Variants in UNC13B observed in about 807,000 individuals in gnomAD.
UNC13B encodes unc-13 homolog B, also known as protein unc-13 homolog B.
In UNC13B, 144 loss-of-function variants were observed where a neutral mutation model predicts 211.0. That is an observed-to-expected ratio of 0.68 (90% CI 0.60 to 0.78). The LOEUF is 0.78. Ranked by LOEUF, UNC13B falls within the 30% of genes least tolerant of loss-of-function variation. UNC13B has a pLI of 0.00. For synonymous variants in UNC13B, 709 were observed against 725.8 expected, an observed-to-expected ratio of 0.98 and a Z score of 0.37; for missense variants, 1,777 against 2,002.0, an observed-to-expected ratio of 0.89 and a Z score of 2.14.
chr9:35,258,744 T>C (rs1827085725), intron 6 of UNC13B, among the ~76,000 whole-genome samples: 1 of 152,220 alleles, frequency 6.6e-6, no homozygotes, highest in African/African-American at 2.4e-5. Context: ...CCAGGTGCCC[T>C]TGGTCAGGAC....
In UNC13B at chr9:35,314,059, G is replaced by A. The variant is rs1346025358; in HGVS notation, c.9414+70G>A. On this transcript the variant is annotated intron_variant, in intron 11 of 39. Coordinates refer to ENST00000635942, the MANE Select transcript of UNC13B (RefSeq NM_001371189.2). The stretch of plus-strand genomic sequence containing the variant: ...AAATTGGGAGACATATGGTGCTGGA[G>A]AAGCAATCAGTGATTAGTCATCTTC... 24 of 1,217,534 alleles carry A rather than the reference G, an allele frequency of 2.0e-5. 1 individual carries two copies. Among genetic ancestry groups the A allele is most frequent in the Non-Finnish European group, 2.4e-5 (20 of 821,038 alleles). 75.4% of individuals were successfully genotyped at this position (1,217,534 alleles called of 1,614,324 possible).
At chr9:35,279,605 A>G (rs1828372573) in intron 7 of UNC13B, among the ~76,000 whole-genome samples, 1 of 152,202 alleles carries the variant, frequency 6.6e-6, no homozygotes, top group Non-Finnish European at 1.5e-5. Flanking sequence ...CAGTATTTGC[A>G]GTTACAATAC....
At chr9:35,316,491 T>G (rs1830461472) in intron 11 of UNC13B, among the ~76,000 whole-genome samples, 1 of 152,068 alleles carries the variant, frequency 6.6e-6, no homozygotes, top group Admixed American at 6.6e-5. Flanking sequence ...GAAAATGCTA[T>G]TATTTGTATA....
chr9:35,210,554 CACTT>C (rs961036938), intron 1 of UNC13B, among the ~76,000 whole-genome samples: 3 of 150,222 alleles, frequency 2.0e-5, no homozygotes, highest in Non-Finnish European at 4.4e-5. Context: ...GACAGAGTCT[CACTT>C]AGTCACCCAG....
chr9:35,200,139 T>C (rs1823194829), intron 1 of UNC13B, among the ~76,000 whole-genome samples: 1 of 152,200 alleles, frequency 6.6e-6, no homozygotes, highest in South Asian at 2.1e-4. Flanking sequence ...TTGTCAAAGA[T>C]CAGATGGTTG....
chr9:35,182,787 G>A lies in UNC13B; in HGVS notation c.22+20482G>A, dbSNP rs576415866. Among the ~76,000 whole-genome samples, 13 of 152,272 alleles carry A rather than the reference G, an allele frequency of 8.5e-5. No individual in the cohort carries two copies. The East Asian group carries it at 2.5e-3, about 29-fold the overall frequency. On this transcript the variant is annotated intron_variant, in intron 1 of 39. Transcript: ENST00000635942. ...CATGTTTCAGAGAGCACTGGGTTGG[G>A]GGTAAGGTTATAGATTAACAGCATC...
chr9:35,371,647 G>T, intron 13 of UNC13B, among the ~76,000 whole-genome samples: 1 of 149,366 alleles, frequency 6.7e-6, no homozygotes. Flanking sequence ...CTTTCTCACT[G>T]TTTGCCCATG....
chr9:35,218,040 G>A lies in UNC13B; in HGVS notation c.23-9975G>A, dbSNP rs1188720343. On this transcript the variant is annotated intron_variant, in intron 1 of 39. Coordinates refer to ENST00000635942, the MANE Select transcript of UNC13B (RefSeq NM_001371189.2). ...CCCTCAAAAAAAAAAGATTTTAGGCGTGGAAAGAGAAAAAATTATAACCTG... is the reference window on the plus strand; with the variant it reads ...CCCTCAAAAAAAAAAGATTTTAGGCATGGAAAGAGAAAAAATTATAACCTG... Among the ~76,000 whole-genome samples, 5 of 151,920 alleles carry A rather than the reference G, an allele frequency of 3.3e-5. No homozygotes were observed. In the East Asian group the frequency reaches 5.8e-4, roughly 18 times the overall value.
At chr9:35,189,494 A>G (rs892616620) in intron 1 of UNC13B, among the ~76,000 whole-genome samples, 7 of 152,248 alleles carry the variant, frequency 4.6e-5, no homozygotes, top group Non-Finnish European at 8.8e-5. Context: ...GCATTTTACC[A>G]ATTCTTCAGA....
intron 7 of UNC13B, among the ~76,000 whole-genome samples, chr9:35,274,698 C>G (rs1347130326): frequency 6.6e-6 from 1 of 152,152 alleles, no homozygotes; most frequent in Non-Finnish European, 1.5e-5. Context: ...TCCTCTGGGA[C>G]ATTGCTACCT....
chr9:35,233,053 C>T (rs907132932), intron 3 of UNC13B, among the ~76,000 whole-genome samples: 4 of 152,170 alleles, frequency 2.6e-5, no homozygotes, highest in African/African-American at 4.8e-5. Context: ...ATATAAGCCT[C>T]ATTTATTCCC....
intron 10 of UNC13B, among the ~76,000 whole-genome samples, chr9:35,313,040 C>T (rs896344292): frequency 6.6e-6 from 1 of 151,828 alleles, no homozygotes; most frequent in African/African-American, 2.4e-5. Flanking sequence ...TATGCAAAAG[C>T]CCCAAGGGAA....
Position 35,305,009 on chromosome 9 carries a change from A to T in UNC13B, c.5605A>T (p.Lys1869Ter), listed in dbSNP as rs1248549727. The T allele has an allele frequency of 2.5e-6, 1 of 398,856 alleles. No individual in the cohort carries two copies. The highest frequency in any genetic ancestry group is 4.4e-6 in the Non-Finnish European group (1 of 226,016). The allele number at this position is 398,856 out of a possible 1,614,324, so 24.7% of individuals were successfully genotyped here. ...FQVSQTTPQAKSGVKDDEIIT... is the reference protein window; with the variant it reads ...FQVSQTTPQA ...GGTAAGCCAAACAACTCCTCAGGCT[A>T]AATCAGGTGTAAAAGATGATGAAAT... The change falls in exon 9 of 40, where the codon AAA (lysine) becomes TAA (stop). Residue 1869 changes from lysine to a stop codon, truncating the protein, a stop_gained. Transcript: ENST00000635942. LOFTEE classifies it high-confidence loss of function.
intron 7 of UNC13B, among the ~76,000 whole-genome samples, chr9:35,292,526 C>A (rs1417118532): frequency 1.3e-5 from 2 of 152,194 alleles, no homozygotes; most frequent in Admixed American, 6.5e-5. Context: ...TTCTTCAAAG[C>A]CATCTCCTCC....
At chr9:35,178,724 C>T (rs1821773561) in intron 1 of UNC13B, among the ~76,000 whole-genome samples, 1 of 151,544 alleles carries the variant, frequency 6.6e-6, no homozygotes, top group South Asian at 2.1e-4. Flanking sequence ...AACCCCGTCT[C>T]TGCTAAAAAT....
intron 11 of UNC13B, among the ~76,000 whole-genome samples, chr9:35,325,246 T>C (rs1182815164): frequency 6.6e-6 from 1 of 152,218 alleles, no homozygotes; most frequent in Non-Finnish European, 1.5e-5. Flanking sequence ...TTCTGGGCAG[T>C]TGAGTTGTGA....
chr9:35,306,606 T>A lies in UNC13B; in HGVS notation c.7202T>A (p.Phe2401Tyr), dbSNP rs1829935569. 1 of 398,844 alleles carries A rather than the reference T, an allele frequency of 2.5e-6. No individual in the cohort carries two copies. Among genetic ancestry groups the A allele is most frequent in the Admixed American group, 4.4e-5 (1 of 22,710 alleles). 24.7% of individuals were successfully genotyped at this position (398,844 alleles called of 1,614,324 possible). A position where few individuals can be genotyped will look rare whatever the true frequency, so the allele number is the denominator to read the frequency against. Reference sequence around the variant, plus strand: ...ACTAACTGCCACCAAAATGAGAAATTTACTACTGACCCAGTGAACTTGCCA... The same window carrying A: ...ACTAACTGCCACCAAAATGAGAAATATACTACTGACCCAGTGAACTTGCCA... ...TCTNCHQNEKFTTDPVNLPLE... is the reference protein window; with the variant it reads ...TCTNCHQNEKYTTDPVNLPLE... The change falls in exon 9 of 40, where the codon TTT (phenylalanine) becomes TAT (tyrosine). Residue 2401 changes from phenylalanine (F) to tyrosine (Y), a missense_variant. By Grantham distance (22) the Phe-to-Tyr change is conservative (BLOSUM62 3). Transcript: ENST00000635942.
At chr9:35,228,567 C>T (rs1825000002) in intron 2 of UNC13B, among the ~76,000 whole-genome samples, 1 of 151,298 alleles carries the variant, frequency 6.6e-6, no homozygotes, top group Non-Finnish European at 1.5e-5. Flanking sequence ...AGTTCATGAA[C>T]CTGTTTCAGC....
intron 13 of UNC13B, among the ~76,000 whole-genome samples, chr9:35,374,538 G>A (rs1329244806): frequency 6.6e-6 from 1 of 152,026 alleles, no homozygotes; most frequent in African/African-American, 2.4e-5. Context: ...GGCTAGCAAG[G>A]CAGCCCCAGC....
Sources: gnomAD v4.1 joint callset for allele counts (sites outside exome capture counted in the v4.1 genomes callset) on GRCh38, gnomAD v4.1.1 for gene constraint, MANE v1.5 for transcripts, NCBI Gene and HGNC (gene_info 2026-07-23, HGNC 2026-07-21) for gene names.